AOAH: variants seen among roughly 807,000 people sequenced by gnomAD.
AOAH encodes the protein acyloxyacyl hydrolase (neutrophil).
A neutral mutation model predicts 92.2 loss-of-function variants in AOAH; 64 were observed. That is an observed-to-expected ratio of 0.69 (90% CI 0.57 to 0.86). AOAH has a LOEUF of 0.86. AOAH is among the 40% of genes least tolerant of loss of function. The pLI is 0.00. For synonymous variants in AOAH, 263 were observed against 254.5 expected (o/e 1.03, Z -0.32); for missense variants, 656 against 694.6 (o/e 0.94, Z 0.62).
At chr7:36,515,067 CCA>C (rs991805143) in intron 20 of AOAH, among the ~76,000 whole-genome samples, 9 of 151,700 alleles carry the variant, frequency 5.9e-5, no homozygotes, top group African/African-American at 1.9e-4. Context: ...CACACAGAGA[CCA>C]CACACACATA....
At chr7:36,654,294 C>G (rs1420664240) in intron 4 of AOAH, among the ~76,000 whole-genome samples, 1 of 152,224 alleles carries the variant, frequency 6.6e-6, no homozygotes, top group Non-Finnish European at 1.5e-5. Flanking sequence ...TCCCTCTTCT[C>G]TTCCTCCTTT....
intron 1 of AOAH, among the ~76,000 whole-genome samples, chr7:36,708,015 A>G (rs1386240371): frequency 6.6e-6 from 1 of 151,296 alleles, no homozygotes; most frequent in Non-Finnish European, 1.5e-5. Context: ...CTTGTCTTGA[A>G]CTCTGGGACT....
chr7:36,648,808 T>C (rs566146208), intron 4 of AOAH, among the ~76,000 whole-genome samples: 18 of 152,290 alleles, frequency 1.2e-4, no homozygotes, highest in African/African-American at 3.8e-4. Context: ...AAAACAAGAA[T>C]CTCAAATGCA....
intron 4 of AOAH, among the ~76,000 whole-genome samples, chr7:36,644,762 C>A (rs1794123058): frequency 6.6e-6 from 1 of 152,170 alleles, no homozygotes; most frequent in South Asian, 2.1e-4. Context: ...TCAATTATAG[C>A]ATCAGTAGAT....
intron 2 of AOAH, among the ~76,000 whole-genome samples, chr7:36,674,682 C>G (rs1341524551): frequency 2.0e-5 from 3 of 152,156 alleles, no homozygotes; most frequent in Admixed American, 1.3e-4. Flanking sequence ...ATTGTGGAGC[C>G]CTGGTAATTC....
At chr7:36,592,330 T>A (rs1486039310) in intron 12 of AOAH, among the ~76,000 whole-genome samples, 1 of 152,186 alleles carries the variant, frequency 6.6e-6, no homozygotes, top group Non-Finnish European at 1.5e-5. Context: ...CAACAGAGGC[T>A]GTAGCAGAGG....
At chr7:36,617,161 G>A (rs1201981425) in intron 10 of AOAH, among the ~76,000 whole-genome samples, 1 of 152,156 alleles carries the variant, frequency 6.6e-6, no homozygotes, top group Non-Finnish European at 1.5e-5. Context: ...AACTCCTCAA[G>A]TCATGCAAGA....
chr7:36,657,612 G>A (rs375980462), intron 4 of AOAH, among the ~76,000 whole-genome samples: 5 of 152,198 alleles, frequency 3.3e-5, no homozygotes, highest in Non-Finnish European at 5.9e-5. Context: ...TAGAACAGCC[G>A]TCAGAGGAAA....
chr7:36,669,032 G>A (rs1795737555), intron 3 of AOAH, among the ~76,000 whole-genome samples: 1 of 152,188 alleles, frequency 6.6e-6, no homozygotes, highest in Non-Finnish European at 1.5e-5. Context: ...TAGAATCATG[G>A]TAGAATTACA....
In AOAH at chr7:36,536,949, C is replaced by CAAAAAAA. The variant is rs11441171; in HGVS notation, c.1306+3363_1306+3369dup. 1.0e-3 allele frequency among the ~76,000 whole-genome samples: 49 copies of CAAAAAAA among 47,456 alleles called. 4 individuals carry two copies. Among genetic ancestry groups the CAAAAAAA allele is most frequent in the African/African-American group, 3.5e-3 (36 of 10,212 alleles). 31.1% of individuals were successfully genotyped at this position (47,456 alleles called of 152,430 possible). Reference sequence around the variant, plus strand: ...TGGGTGACATAGTGAGACTTCATCTCAAAAAAAAAAAAAAAAAAAAAAAAA... The same window carrying CAAAAAAA: ...TGGGTGACATAGTGAGACTTCATCTCAAAAAAAAAAAAAAAAAAAAAAAAAAAAAAAA... On this transcript the variant is annotated intron_variant, in intron 16 of 20. Transcript: ENST00000617537.
chr7:36,648,523 A>G (rs1244277528), intron 4 of AOAH, among the ~76,000 whole-genome samples: 2 of 151,544 alleles, frequency 1.3e-5, no homozygotes. Context: ...TTGTCTTTTG[A>G]CTTTGTGAAG....
chr7:36,578,886 G>A (rs938274106), intron 12 of AOAH, among the ~76,000 whole-genome samples: 2 of 152,158 alleles, frequency 1.3e-5, no homozygotes, highest in Non-Finnish European at 2.9e-5. Context: ...ATTGGCTTAT[G>A]GTTCTGCAGG....
chr7:36,535,796 G>A (rs1346753096), intron 16 of AOAH, among the ~76,000 whole-genome samples: 1 of 152,118 alleles, frequency 6.6e-6, no homozygotes, highest in Non-Finnish European at 1.5e-5. Flanking sequence ...GCACAGAGTA[G>A]GAATCTCAGA....
At chr7:36,678,594 TGTGTGTGC>T (rs1356625592) in intron 2 of AOAH, among the ~76,000 whole-genome samples, 126 of 139,050 alleles carry the variant, frequency 9.1e-4, no homozygotes, top group African/African-American at 3.2e-3. Context: ...TGTGTGTGTG[TGTGTGTGC>T]GCGCGCGCGC....
At chr7:36,687,015 C>A (rs770548511) in intron 1 of AOAH, among the ~76,000 whole-genome samples, 1 of 152,164 alleles carries the variant, frequency 6.6e-6, no homozygotes. Flanking sequence ...TCTCCTCCCC[C>A]ACTTTCTCTC....
At chr7:36,715,555 C>T (rs1379701145) in intron 1 of AOAH, among the ~76,000 whole-genome samples, 16 of 151,090 alleles carry the variant, frequency 1.1e-4, no homozygotes, top group Admixed American at 4.6e-4. Context: ...GGAGGCATCA[C>T]GCTGCCTGAC....
intron 2 of AOAH, among the ~76,000 whole-genome samples, chr7:36,678,613 G>A (rs1266229067): frequency 7.1e-6 from 1 of 140,714 alleles, no homozygotes; most frequent in Non-Finnish European, 1.5e-5. Flanking sequence ...GCGCGCGCGC[G>A]CGTTAGAATT....
intron 13 of AOAH, among the ~76,000 whole-genome samples, chr7:36,563,228 C>T (rs1787419480): frequency 6.8e-6 from 1 of 146,578 alleles, no homozygotes; most frequent in African/African-American, 2.5e-5. Flanking sequence ...ACAACTATTC[C>T]AGTGAAGAGG....
chr7:36,696,798 G>A (rs1173649437), intron 1 of AOAH, among the ~76,000 whole-genome samples: 4 of 152,020 alleles, frequency 2.6e-5, no homozygotes, highest in Non-Finnish European at 5.9e-5. Context: ...CCGGGAGGCG[G>A]AGGTTGCAGT....
Sources: allele counts gnomAD v4.1 joint callset (sites outside exome capture counted in the v4.1 genomes callset), GRCh38; gene constraint gnomAD v4.1.1; transcripts MANE v1.5; gene names NCBI Gene and HGNC (gene_info 2026-07-23, HGNC 2026-07-21).